The following LMLN variants were observed in gnomAD, a reference collection of about 807,000 sequenced individuals.
LMLN encodes the protein leishmanolysin-like peptidase.
A neutral mutation model predicts 92.3 loss-of-function variants in LMLN; 70 were observed. The observed-to-expected ratio is 0.76, with a 90% CI of 0.63 to 0.92. The LOEUF is 0.92. Ranked by LOEUF, LMLN falls within the 40% of genes least tolerant of loss-of-function variation. The pLI, the probability that LMLN is intolerant of heterozygous loss-of-function variation, is 0.00. For missense variants in LMLN, 691 were observed against 814.6 expected, an observed-to-expected ratio of 0.85 and a Z score of 1.85; for synonymous variants, 308 against 296.2, an observed-to-expected ratio of 1.04 and a Z score of -0.41.
chr3:197,985,426 CAG>C (rs1491018863), intron 7 of LMLN, among the ~76,000 whole-genome samples: 8 of 150,556 alleles, frequency 5.3e-5, no homozygotes, highest in Non-Finnish European at 7.4e-5. Flanking sequence ...CACACACACA[CAG>C]AGCAAACAGG....
exon 1 of LMLN, chr3:197,960,377 A>G (rs764675520): frequency 6.2e-7 from 1 of 1,613,860 alleles, no homozygotes; most frequent in Middle Eastern, 1.6e-4. Context: ...CCAGCGCCAC[A>G]TCTACTCCCG....
At chr3:198,027,748 T>C (rs1211911424) in intron 14 of LMLN, among the ~76,000 whole-genome samples, 2 of 152,164 alleles carry the variant, frequency 1.3e-5, no homozygotes, top group Non-Finnish European at 2.9e-5. Flanking sequence ...ATCTGTCACG[T>C]TTTGAATCAG....
intron 1 of LMLN, among the ~76,000 whole-genome samples, chr3:197,969,341 G>A (rs1198073534): frequency 1.3e-5 from 2 of 151,878 alleles, no homozygotes; most frequent in Admixed American, 1.3e-4. Context: ...TCTAAAATAG[G>A]CATTTAAAGC....
intron 11 of LMLN, among the ~76,000 whole-genome samples, chr3:198,017,842 G>A (rs553556554): frequency 5.9e-5 from 9 of 152,174 alleles, no homozygotes; most frequent in South Asian, 2.1e-4. Flanking sequence ...GCTTGAACCC[G>A]GGAGGTGGAG....
At chr3:197,970,319 T>C (rs1721189238) in intron 1 of LMLN, among the ~76,000 whole-genome samples, 1 of 152,196 alleles carries the variant, frequency 6.6e-6, no homozygotes, top group Non-Finnish European at 1.5e-5. Context: ...GTTTGGTGAT[T>C]GCTAGGTGGC....
chr3:197,974,185 T>C (rs971336428), intron 1 of LMLN, among the ~76,000 whole-genome samples, 192 bp from the exon 2 acceptor site: 2 of 152,238 alleles, frequency 1.3e-5, no homozygotes, highest in Non-Finnish European at 2.9e-5. Flanking sequence ...AATTTATGGT[T>C]CTTGCCTTCC....
intron 15 of LMLN, among the ~76,000 whole-genome samples, chr3:198,037,322 T>C (rs1723261733): frequency 6.6e-6 from 1 of 151,962 alleles, no homozygotes; most frequent in Non-Finnish European, 1.5e-5. Context: ...GTATTAACTC[T>C]GCTCTACACA....
intron 6 of LMLN, among the ~76,000 whole-genome samples, chr3:197,982,159 T>C (rs1260054670): frequency 6.6e-6 from 1 of 152,050 alleles, no homozygotes; most frequent in Non-Finnish European, 1.5e-5. Flanking sequence ...CAGTGGTCCT[T>C]TTATGCACAG....
chr3:197,994,066 A>C (rs1721954519), intron 9 of LMLN, among the ~76,000 whole-genome samples: 1 of 152,218 alleles, frequency 6.6e-6, no homozygotes, highest in Admixed American at 6.5e-5. Context: ...GGATATCCAT[A>C]TGCAGAAGAA....
intron 13 of LMLN, among the ~76,000 whole-genome samples, chr3:198,022,077 A>G (rs977222165): frequency 3.9e-5 from 6 of 152,214 alleles, no homozygotes; most frequent in Non-Finnish European, 8.8e-5. Flanking sequence ...AGATCCTCCA[A>G]TGCCATCCTC....
In LMLN at chr3:198,025,286, A is replaced by ATAAT. The variant is rs1722901231; in HGVS notation, c.1656+498_1656+499insTAAT. Among the ~76,000 whole-genome samples the ATAAT allele has an allele frequency of 1.2e-3, 2 of 1,716 alleles. No homozygotes were observed. Among genetic ancestry groups the ATAAT allele is most frequent in the African/African-American group, 0.013 (2 of 156 alleles). 1.1% of individuals were successfully genotyped at this position (1,716 alleles called of 152,430 possible). A position where few individuals can be genotyped will look rare whatever the true frequency, so the allele number is the denominator to read the frequency against. On this transcript the variant is annotated intron_variant, in intron 14 of 15. Coordinates refer to ENST00000330198, the Ensembl canonical transcript of LMLN. The surrounding 1 kb of genome is among the most constrained non-coding windows in gnomAD (Gnocchi z 4.3). The stretch of plus-strand genomic sequence containing the variant: ...CCTGTCTCCAAAAAATAAAGGAAAA[A>ATAAT]GAATAAATCAGTTGCTGATTAATAA...
At chr3:198,035,509 C>T (rs1723195841) in intron 14 of LMLN, among the ~76,000 whole-genome samples, 1 of 151,648 alleles carries the variant, frequency 6.6e-6, no homozygotes, top group Non-Finnish European at 1.5e-5. Flanking sequence ...ACTACAGGTG[C>T]ATGACACCAC....
intron 9 of LMLN, among the ~76,000 whole-genome samples, chr3:197,993,023 G>A (rs1721918598): frequency 6.6e-6 from 1 of 151,934 alleles, no homozygotes; most frequent in East Asian, 1.9e-4. Context: ...ACAGAATGAA[G>A]GACAAAAACC....
intron 13 of LMLN, among the ~76,000 whole-genome samples, chr3:198,023,074 T>C (rs1023056034): frequency 6.6e-6 from 1 of 152,140 alleles, no homozygotes; most frequent in Non-Finnish European, 1.5e-5. Context: ...GTCTCTAGCT[T>C]TCTGATTCAG....
intron 9 of LMLN, among the ~76,000 whole-genome samples, chr3:197,993,508 T>C (rs1442405983): frequency 6.7e-6 from 1 of 150,216 alleles, no homozygotes; most frequent in African/African-American, 2.5e-5. Context: ...TTACAATAGC[T>C]ACCAAAAAAA....
At chr3:198,033,610 C>T (rs1483827409) in intron 14 of LMLN, among the ~76,000 whole-genome samples, 3 of 152,092 alleles carry the variant, frequency 2.0e-5, no homozygotes, top group Non-Finnish European at 1.5e-5. Context: ...CCAGGTTGGC[C>T]AGGCTGGTCT....
chr3:198,015,653 C>T (rs1404865047), intron 11 of LMLN, among the ~76,000 whole-genome samples: 1 of 148,884 alleles, frequency 6.7e-6, no homozygotes, highest in African/African-American at 2.5e-5. Flanking sequence ...CTCCACCCTT[C>T]AGAGCCCCCT....
intron 12 of LMLN, among the ~76,000 whole-genome samples, chr3:198,020,773 T>A (rs1339342918): frequency 8.1e-6 from 1 of 123,572 alleles, no homozygotes; most frequent in African/African-American, 3.2e-5. Context: ...TTTGTATTTT[T>A]TTTTTTTTTT....
At position 198,031,603 on chromosome 3, in the gene LMLN, C is replaced by G. The variant is rs1183788935; in HGVS notation, c.1657-4230C>G. Among the ~76,000 whole-genome samples the G allele has an allele frequency of 6.6e-6, 1 of 152,156 alleles. No homozygotes were observed. Among genetic ancestry groups the G allele is most frequent in the East Asian group, 1.9e-4 (1 of 5,198 alleles). Reference sequence around the variant, plus strand: ...AAGAAAATTATTTTCCATCAGAATTCTGAAAGCATTTTTCCTTTGTGTGCT... The same window carrying G: ...AAGAAAATTATTTTCCATCAGAATTGTGAAAGCATTTTTCCTTTGTGTGCT... On this transcript the variant is annotated intron_variant, in intron 14 of 15. Coordinates refer to ENST00000330198, the Ensembl canonical transcript of LMLN. The surrounding 1 kb of genome is among the most constrained non-coding windows in gnomAD (Gnocchi z 4.8).
Sources: allele counts gnomAD v4.1 joint callset (sites outside exome capture counted in the v4.1 genomes callset), GRCh38; gene constraint gnomAD v4.1.1; non-coding constraint Gnocchi (gnomAD v3.1); transcripts MANE v1.5; gene names NCBI Gene and HGNC (gene_info 2026-07-23, HGNC 2026-07-21).